NARS2: variants seen among roughly 807,000 people sequenced by gnomAD.
NARS2 encodes the protein asparaginyl-tRNA synthetase 2, mitochondrial.
A neutral mutation model predicts 62.9 loss-of-function variants in NARS2; 60 were observed. The ratio of observed to expected loss-of-function variants is 0.95; its 90% confidence interval spans 0.77 to 1.18. The LOEUF is 1.18. NARS2 is among the 50% of genes most tolerant of loss of function. The pLI is 0.00. For synonymous variants in NARS2, 196 were observed against 200.0 expected, an observed-to-expected ratio of 0.98 and a Z score of 0.17; for missense variants, 619 against 576.4, an observed-to-expected ratio of 1.07 and a Z score of -0.76.
chr11:78,442,735 G>A (rs1376701393), intron 12 of NARS2, among the ~76,000 whole-genome samples: 7 of 151,816 alleles, frequency 4.6e-5, no homozygotes, highest in African/African-American at 1.7e-4. Context: ...TAGGAGTGGC[G>A]GTTCAATTGA....
At chr11:78,564,811 G>A (rs1278977391) in intron 4 of NARS2, among the ~76,000 whole-genome samples, 1 of 152,152 alleles carries the variant, frequency 6.6e-6, no homozygotes, top group Non-Finnish European at 1.5e-5. Context: ...TATATAATTT[G>A]ATTTATTTTC....
chr11:78,449,299 C>A (rs971166171), intron 11 of NARS2, among the ~76,000 whole-genome samples: 3 of 151,858 alleles, frequency 2.0e-5, no homozygotes, highest in Non-Finnish European at 4.4e-5. Context: ...CCATGCCCGG[C>A]TAATTTTTTT....
intron 5 of NARS2, among the ~76,000 whole-genome samples, chr11:78,531,684 G>A (rs1379134011): frequency 1.3e-5 from 2 of 152,150 alleles, no homozygotes; most frequent in Non-Finnish European, 2.9e-5. Context: ...CATAAGGAAT[G>A]TATATACCTA....
chr11:78,527,039 C>T (rs537238391), intron 6 of NARS2, among the ~76,000 whole-genome samples: 7 of 152,134 alleles, frequency 4.6e-5, no homozygotes, highest in African/African-American at 1.4e-4. Context: ...TTAAATAACC[C>T]GTATTAAGTG....
intron 11 of NARS2, among the ~76,000 whole-genome samples, chr11:78,465,425 C>T (rs767567211): frequency 5.6e-4 from 85 of 152,380 alleles, no homozygotes; most frequent in African/African-American, 1.4e-3. Flanking sequence ...GCGCCGAGAG[C>T]GAGAGAGGGC....
chr11:78,448,140 C>G (rs1050073979), intron 11 of NARS2, among the ~76,000 whole-genome samples: 2 of 152,078 alleles, frequency 1.3e-5, no homozygotes, highest in African/African-American at 4.8e-5. Context: ...CATATCAAAA[C>G]AGTACATTAT....
intron 4 of NARS2, among the ~76,000 whole-genome samples, chr11:78,563,884 AGT>A (rs1491273053): frequency 6.7e-5 from 7 of 104,834 alleles, no homozygotes; most frequent in African/African-American, 3.3e-4. Context: ...ACACACACAC[AGT>A]ATTATTATTA....
At position 78,534,381 on chromosome 11, in the gene NARS2, C is replaced by G. The variant is rs529901973; in HGVS notation, c.595-5445G>C. On this transcript the variant is annotated intron_variant, in intron 5 of 13. Transcript: ENST00000281038. ...GCTTTGTGCATCATTTTCTACGGATCACATGGTTCATACACTACTACCTTC... is the reference window on the plus strand; with the variant it reads ...GCTTTGTGCATCATTTTCTACGGATGACATGGTTCATACACTACTACCTTC... Among the ~76,000 whole-genome samples, 5 of 152,234 alleles carry G rather than the reference C, an allele frequency of 3.3e-5. No homozygotes were observed. The South Asian group carries it at 8.3e-4, about 25-fold the overall frequency.
intron 4 of NARS2, among the ~76,000 whole-genome samples, chr11:78,564,100 G>T (rs186321661): frequency 6.6e-6 from 1 of 151,494 alleles, no homozygotes; most frequent in Non-Finnish European, 1.5e-5. Context: ...GGGTTTCACC[G>T]TGTTGCCAGG....
intron 11 of NARS2, among the ~76,000 whole-genome samples, chr11:78,461,158 G>T (rs140268205): frequency 6.6e-6 from 1 of 152,172 alleles, no homozygotes; most frequent in African/African-American, 2.4e-5. Context: ...GAATGTATAT[G>T]AGTCTAGAGC....
intron 10 of NARS2, 129 bp downstream of exon 10, chr11:78,469,118 A>C: frequency 1.6e-6 from 1 of 637,566 alleles, no homozygotes; most frequent in Non-Finnish European, 2.8e-6. Context: ...GTCTGTGTAC[A>C]AATGAGCAAA....
chr11:78,512,317 T>C (rs1025807872), intron 6 of NARS2, among the ~76,000 whole-genome samples: 2 of 152,230 alleles, frequency 1.3e-5, no homozygotes, highest in African/African-American at 2.4e-5. Context: ...TAATATAAAA[T>C]AATTTGATTA....
chr11:78,548,540 A>ACAT (rs1855965762), intron 5 of NARS2, among the ~76,000 whole-genome samples: 1 of 152,232 alleles, frequency 6.6e-6, no homozygotes, highest in Non-Finnish European at 1.5e-5. Context: ...GCTAGTGCTT[A>ACAT]CATCAGCCTG....
intron 6 of NARS2, among the ~76,000 whole-genome samples, chr11:78,504,439 T>TG (rs1860409515): frequency 1.6e-5 from 1 of 63,260 alleles, no homozygotes; most frequent in Admixed American, 1.5e-4. Context: ...CACCAGTTTT[T>TG]TTTTTTTTTT....
At chr11:78,449,124 C>T (rs1396743898) in intron 11 of NARS2, among the ~76,000 whole-genome samples, 4 of 146,512 alleles carry the variant, frequency 2.7e-5, no homozygotes, top group Non-Finnish European at 4.5e-5. Context: ...TTTGAGTCAC[C>T]TAAAAAATGT....
chr11:78,512,491 T>C (rs994215863), intron 6 of NARS2, among the ~76,000 whole-genome samples: 1 of 152,212 alleles, frequency 6.6e-6, no homozygotes, highest in Non-Finnish European at 1.5e-5. Flanking sequence ...GGGCTTTACA[T>C]GGTATCCAAT....
In NARS2 at chr11:78,559,589, T is replaced by C. The variant is rs372086134; in HGVS notation, c.544A>G (p.Ile182Val). Residue 182 changes from isoleucine to valine, a missense_variant, in exon 5 of 14, where the codon ATA (isoleucine) becomes GTA (valine). By Grantham distance (29) the Ile-to-Val change is conservative. Transcript: ENST00000281038. ...CCCTCAGAGTCATTGGATGTGATTATTGGAGTATGAATATGTACAAAGCCA... is the reference window on the plus strand; with the variant it reads ...CCCTCAGAGTCATTGGATGTGATTACTGGAGTATGAATATGTACAAAGCCA... ...DSGFVHIHTP[I>V]ITSNDSEGAG... 2.7e-5 allele frequency: 44 copies of C among 1,613,310 alleles called. No homozygotes were observed. The highest frequency in any genetic ancestry group is 1.9e-4 in the African/African-American group (14 of 74,928).
chr11:78,512,155 C>G (rs2135389612), intron 6 of NARS2, among the ~76,000 whole-genome samples: 1 of 152,310 alleles, frequency 6.6e-6, no homozygotes, highest in East Asian at 1.9e-4. Flanking sequence ...ACTTAGTCTT[C>G]AAACTCTGAC....
chr11:78,463,732 A>AAC (rs1858491117), intron 11 of NARS2, among the ~76,000 whole-genome samples: 1 of 150,528 alleles, frequency 6.6e-6, no homozygotes, highest in African/African-American at 2.4e-5. Flanking sequence ...AAAAAAAAAA[A>AAC]AAAAACCACA....
Sources: gnomAD v4.1 joint callset for allele counts (sites outside exome capture counted in the v4.1 genomes callset) on GRCh38, gnomAD v4.1.1 for gene constraint, MANE v1.5 for transcripts, NCBI Gene and HGNC (gene_info 2026-07-23, HGNC 2026-07-21) for gene names.